The following ZFYVE26 variants were observed in gnomAD, a reference collection of about 807,000 sequenced individuals.
The protein encoded by ZFYVE26 is zinc finger FYVE domain-containing protein 26.
Under a neutral mutation model 276.5 loss-of-function variants are expected in ZFYVE26, and 181 were observed. That is an observed-to-expected ratio of 0.65 (90% CI 0.58 to 0.74). The LOEUF is 0.74. Ranked by LOEUF, ZFYVE26 falls within the 30% of genes least tolerant of loss-of-function variation. The pLI is 0.00. For missense variants in ZFYVE26, 2,821 were observed against 3,097.9 expected, an observed-to-expected ratio of 0.91 and a Z score of 2.12; for synonymous variants, 1,129 against 1,203.1, an observed-to-expected ratio of 0.94 and a Z score of 1.27.
In ZFYVE26 at chr14:67,754,241, C is replaced by T. The variant is rs114201387; in HGVS notation, c.6987-29G>A. On this transcript the variant is annotated intron_variant, in intron 37 of 41. Transcript: ENST00000347230. ...TGGTGACAGAATATGCACAGTCCAG[C>T]CTCATGAGGGGCCCCAGGTGACTGA... 5.8e-3 allele frequency: 9,339 copies of T among 1,613,890 alleles called. 93 individuals carry two copies. The highest frequency in any genetic ancestry group is 0.043 in the African/African-American group (3,227 of 75,016).
At chr14:67,753,012 C>T (rs2038689200) in intron 39 of ZFYVE26, among the ~76,000 whole-genome samples, 1 of 152,180 alleles carries the variant, frequency 6.6e-6, no homozygotes, top group South Asian at 2.1e-4. Flanking sequence ...GGTGGAGCTG[C>T]CCCTCTGCCT....
chr14:67,816,113 T>A (rs1373284666), intron 1 of ZFYVE26, 67 bp from the exon 2 acceptor site: 1 of 625,660 alleles, frequency 1.6e-6, no homozygotes, highest in East Asian at 2.8e-5. Flanking sequence ...CAGCAACTAC[T>A]GGTCCGCCTG....
At position 67,777,696 on chromosome 14, in the gene ZFYVE26, C is replaced by T. The variant is rs1301729724; in HGVS notation, c.4837G>A (p.Val1613Met). The change falls in exon 25 of 42, where the codon GTG (valine) becomes ATG (methionine). Residue 1613 changes from valine (V) to methionine (M), a missense_variant. By Grantham distance (21) the Val-to-Met change is conservative. Coordinates refer to ENST00000347230, the MANE Select transcript of ZFYVE26 (RefSeq NM_015346.4). ...RIPDPTMCLEVTEQSLDQHTS... is the reference protein window; with the variant it reads ...RIPDPTMCLEMTEQSLDQHTS... ...TGCTGGTCGAGGGATTGCTCTGTCA[C>T]TTCAAGGCACATGGTGGGGTCAGGG... is the stretch of plus-strand genomic sequence containing the variant. 6.2e-7 allele frequency: 1 copy of T among 1,614,030 alleles called. No individual in the cohort carries two copies. The highest frequency in any genetic ancestry group is 8.5e-7 in the Non-Finnish European group (1 of 1,180,034).
chr14:67,733,973 A>T (rs997099618), intron 13 of ZFYVE26: 2 of 694,670 alleles, frequency 2.9e-6, no homozygotes, highest in Non-Finnish European at 5.2e-6. Context: ...GCCTGCTCTG[A>T]TCCTCTTGAC....
intron 15 of ZFYVE26, 82 bp from the exon 16 acceptor site, chr14:67,789,680 C>T: frequency 6.3e-7 from 1 of 1,589,206 alleles, no homozygotes; most frequent in Non-Finnish European, 8.6e-7. Context: ...TAGTTACTTT[C>T]AAAATGTTTG....
intron 39 of ZFYVE26, 59 bp from the exon 40 acceptor site, chr14:67,752,585 AG>A (rs1566861808): frequency 6.3e-7 from 1 of 1,581,388 alleles, no homozygotes; most frequent in African/African-American, 1.3e-5. Flanking sequence ...GTGGGGAGGG[AG>A]GCAGCATTTA....
Position 67,813,829 on chromosome 14 carries a change from G to T in ZFYVE26, c.273+157C>A, listed in dbSNP as rs1053082798. The stretch of plus-strand genomic sequence containing the variant: ...TTAGTGCATTAATGAATGAATTTAG[G>T]TAAGGAGACAGCAATAAAAATTTAA... On this transcript the variant is annotated intron_variant, in intron 3 of 41. Transcript: ENST00000347230. 4.6e-5 allele frequency among the ~76,000 whole-genome samples: 7 copies of T among 152,154 alleles called. No individual in the cohort carries two copies. The East Asian group carries it at 1.3e-3, about 29-fold the overall frequency.
chr14:67,783,322 C>T lies in ZFYVE26; in HGVS notation c.3830G>A (p.Arg1277Lys), dbSNP rs760264905. ...DLPLSTPSSP[R>K]TTENPTLERK... The stretch of plus-strand genomic sequence containing the variant: ...TTCCAATGTAGGGTTCTCAGTTGTC[C>T]TCGGGGAGCTCGGTGTAGAAAGTGG... The change falls in exon 21 of 42, where the codon AGG (arginine) becomes AAG (lysine). Residue 1277 changes from arginine (R) to lysine (K), a missense_variant. Transcript: ENST00000347230. 1 of 1,612,822 alleles carries T rather than the reference C, an allele frequency of 6.2e-7. No homozygotes were observed.
chr14:67,744,913 C>T (rs958899395), downstream of ZFYVE26, among the ~76,000 whole-genome samples: 7 of 152,034 alleles, frequency 4.6e-5, no homozygotes, highest in African/African-American at 1.4e-4. Flanking sequence ...ATTCATAATC[C>T]TTTGGGTATA....
chr14:67,740,387 A>G (rs1287729337), intron 13 of ZFYVE26, among the ~76,000 whole-genome samples: 1 of 152,110 alleles, frequency 6.6e-6, no homozygotes, highest in South Asian at 2.1e-4. Context: ...TAAAATATTT[A>G]AATTATCTAT....
At chr14:67,806,447 C>T in intron 6 of ZFYVE26, 98 bp downstream of exon 6, 1 of 1,515,190 alleles carries the variant, frequency 6.6e-7, no homozygotes, top group African/African-American at 1.4e-5. Context: ...AATTAGACTG[C>T]TTTATGGTGG....
At chr14:67,790,436 G>T in intron 15 of ZFYVE26, 136 bp downstream of exon 15, 1 of 928,320 alleles carries the variant, frequency 1.1e-6, no homozygotes, top group East Asian at 2.6e-5. Context: ...TATCAGGTTT[G>T]CTGTTTTTCA....
chr14:67,790,242 A>G (rs1412638855), intron 15 of ZFYVE26, among the ~76,000 whole-genome samples: 1 of 152,258 alleles, frequency 6.6e-6, no homozygotes, highest in Non-Finnish European at 1.5e-5. Flanking sequence ...GAGTAATTAC[A>G]TGGGAAGGAA....
chr14:67,809,383 T>C (rs963949619), intron 3 of ZFYVE26, 94 bp from the exon 4 acceptor site: 3 of 895,748 alleles, frequency 3.3e-6, no homozygotes, highest in Admixed American at 4.4e-5. Context: ...GTCTTATTTC[T>C]GCTATTTCTC....
intron 4 of ZFYVE26, among the ~76,000 whole-genome samples, chr14:67,808,986 T>A (rs2040238890): frequency 6.6e-6 from 1 of 152,218 alleles, no homozygotes. Context: ...AATTCCCAGT[T>A]ATACTTGGTA....
At chr14:67,752,603 C>G (rs2038679095) in intron 39 of ZFYVE26, 77 bp from the exon 40 acceptor site, 2 of 1,471,324 alleles carry the variant, frequency 1.4e-6, no homozygotes, top group East Asian at 2.3e-5. Context: ...TTTAAAAGCT[C>G]TCACTATGCT....
At position 67,790,756 on chromosome 14, in the gene ZFYVE26, G is replaced by A; in HGVS notation, c.2571C>T (p.Asn857=). 1.2e-6 allele frequency: 2 copies of A among 1,614,142 alleles called. No homozygotes were observed. The highest frequency in any genetic ancestry group is 8.5e-7 in the Non-Finnish European group (1 of 1,180,014). ...CCCCTGAACTGGGTGAGGACTTCAG[G>A]TTGAACGTGAACAGCACCTGTCATA... ...AEAHQVLFTF[N]LKSSPSSGEL... The change falls in exon 15 of 42, where the codon AAC becomes AAT. Residue 857 remains asparagine, a synonymous_variant. Coordinates refer to ENST00000347230, the MANE Select transcript of ZFYVE26 (RefSeq NM_015346.4).
Position 67,815,753 on chromosome 14 carries a change from G to GA in ZFYVE26, c.194+16dup. On this transcript the variant is annotated intron_variant, in intron 2 of 41. Transcript: ENST00000347230. Reference sequence around the variant, plus strand: ...CTCTCACCCTGGGACCGTCTGGTAGGAAAAGAGATCCCTTACCTCAGCAGA... The same window carrying GA: ...CTCTCACCCTGGGACCGTCTGGTAGGAAAAAGAGATCCCTTACCTCAGCAGA... 1 of 1,612,298 alleles carries GA rather than the reference G, an allele frequency of 6.2e-7. No individual in the cohort carries two copies.
At chr14:67,809,111 T>C in intron 4 of ZFYVE26, 89 bp downstream of exon 4, 3 of 1,150,200 alleles carry the variant, frequency 2.6e-6, no homozygotes, top group Non-Finnish European at 2.6e-6. Flanking sequence ...GGGCAACATC[T>C]TGGAGACCTC....
Sources: allele counts gnomAD v4.1 joint callset (sites outside exome capture counted in the v4.1 genomes callset), GRCh38; gene constraint gnomAD v4.1.1; transcripts MANE v1.5; gene names NCBI Gene and HGNC (gene_info 2026-07-23, HGNC 2026-07-21).